The following FARSA variants were observed in gnomAD, a reference collection of about 807,000 sequenced individuals.
FARSA encodes phenylalanine--tRNA ligase alpha subunit.
FARSA carries 37 observed loss-of-function variants against 63.2 expected under a neutral mutation model. The ratio of observed to expected loss-of-function variants is 0.59; its 90% confidence interval spans 0.45 to 0.77. The LOEUF is 0.77. Ranked by LOEUF, FARSA falls within the 30% of genes least tolerant of loss-of-function variation. The pLI is 0.00. For missense variants in FARSA, 618 were observed against 696.6 expected (o/e 0.89, Z 1.27); for synonymous variants, 312 against 285.1 (o/e 1.09, Z -0.95).
intron 3 of FARSA, 37 bp downstream of exon 3, chr19:12,930,392 C>G: frequency 6.2e-7 from 1 of 1,612,574 alleles, no homozygotes; most frequent in Non-Finnish European, 8.5e-7. Context: ...CCCATGTGCC[C>G]GTCCACCTGC....
In FARSA at chr19:12,928,376, T is replaced by C; in HGVS notation, c.807A>G (p.Pro269=). ...AGAAGGTGTCGTGCTGGTCACGGGCTGGGTGCTGCTGGGGCTGGAAGAGGG... is the reference window on the plus strand; with the variant it reads ...AGAAGGTGTCGTGCTGGTCACGGGCCGGGTGCTGCTGGGGCTGGAAGAGGG... ...FDALFQPQQH[P]ARDQHDTFFL... Residue 269 remains proline, a synonymous_variant, in exon 7 of 13, where the codon CCA becomes CCG. Transcript: ENST00000314606. The C allele has an allele frequency of 6.2e-7, 1 of 1,614,056 alleles. No homozygotes were observed. The highest frequency in any genetic ancestry group is 8.5e-7 in the Non-Finnish European group (1 of 1,180,014).
At chr19:12,929,475 G>A (rs1301771401) in intron 4 of FARSA, among the ~76,000 whole-genome samples, 1 of 152,178 alleles carries the variant, frequency 6.6e-6, no homozygotes, top group African/African-American at 2.4e-5. Context: ...CCAAAGTGCT[G>A]GGATTACAGG....
intron 1 of FARSA, among the ~76,000 whole-genome samples, chr19:12,932,384 C>T (rs1971407128): frequency 6.6e-6 from 1 of 151,984 alleles, no homozygotes; most frequent in Admixed American, 6.6e-5. Context: ...TAGATTGAAC[C>T]TCACCTCCTT....
intron 1 of FARSA, chr19:12,933,224 T>G: frequency 6.2e-6 from 2 of 321,382 alleles, no homozygotes; most frequent in South Asian, 3.7e-5. Flanking sequence ...CACAGCTGGG[T>G]CCCCTGTTTT....
chr19:12,926,655 C>T (rs1853281966), intron 7 of FARSA, among the ~76,000 whole-genome samples: 2 of 151,324 alleles, frequency 1.3e-5, no homozygotes, highest in African/African-American at 2.4e-5. Flanking sequence ...AACTCCCAGG[C>T]TCAAGCAATC....
chr19:12,924,997 C>T lies in FARSA; in HGVS notation c.933G>A (p.Lys311=), dbSNP rs941296722. The T allele has an allele frequency of 1.9e-6, 3 of 1,614,052 alleles. No homozygotes were observed. Among genetic ancestry groups the T allele is most frequent in the Non-Finnish European group, 2.5e-6 (3 of 1,180,008 alleles). ...SQGGYGSQGY[K]YNWKLDEARK... ...GGGCCTCGTCCAGCTTCCAGTTATACTTGTACCTTCAGGAGGGAAGGTGGG... is the reference window on the plus strand; with the variant it reads ...GGGCCTCGTCCAGCTTCCAGTTATATTTGTACCTTCAGGAGGGAAGGTGGG... Residue 311 remains lysine (K), a synonymous_variant, in exon 9 of 13, where the codon AAG becomes AAA. Transcript: ENST00000314606. This position sits in a 1 kb window ranked among gnomAD's most constrained non-coding sequence, Gnocchi z 6.4.
At position 12,925,114 on chromosome 19, in the gene FARSA, G is replaced by A; in HGVS notation, c.902C>T (p.Ser301Phe). The change falls in exon 8 of 13, where the codon TCT becomes TTT. Residue 301 changes from serine (S) to phenylalanine (F), a missense_variant. Transcript: ENST00000314606. Reference sequence around the variant, plus strand: ...CCCCTGTGAGCCGTAGCCGCCCTGAGAGTGGGTCCGCTTGACCCGCTGGAC... The same window carrying A: ...CCCCTGTGAGCCGTAGCCGCCCTGAAAGTGGGTCCGCTTGACCCGCTGGAC... ...DYVQRVKRTH[S>F]QGGYGSQGYK... The A allele has an allele frequency of 6.2e-7, 1 of 1,610,798 alleles. No individual in the cohort carries two copies. Among genetic ancestry groups the A allele is most frequent in the Non-Finnish European group, 8.5e-7 (1 of 1,179,086 alleles).
chr19:12,926,021 T>C (rs1022766270), intron 7 of FARSA, among the ~76,000 whole-genome samples: 1 of 150,662 alleles, frequency 6.6e-6, no homozygotes, highest in Non-Finnish European at 1.5e-5. Context: ...CAGGCTGGAG[T>C]GCAGTGGCGC....
In FARSA at chr19:12,928,801, T is replaced by C. The variant is rs892791704; in HGVS notation, c.550A>G (p.Ser184Gly). The C allele has an allele frequency of 7.4e-6, 12 of 1,614,020 alleles. No homozygotes were observed. Among genetic ancestry groups the C allele is most frequent in the African/African-American group, 1.3e-5 (1 of 74,924 alleles). ...AGCTCTGTCTCTTGCTTGGAGATGC[T>C]GGTACTAAAGGCACTGCCTTTGCTC... ...WVSKGSAFST[S>G]ISKQETELSP... The change falls in exon 5 of 13, where the codon AGC becomes GGC. Residue 184 changes from serine (S) to glycine (G), a missense_variant. Ser to Gly is a moderately conservative substitution (Grantham distance 56). Coordinates refer to ENST00000314606, the MANE Select transcript of FARSA (RefSeq NM_004461.3).
chr19:12,925,080 C>T lies in FARSA; in HGVS notation c.926+10G>A. The stretch of plus-strand genomic sequence containing the variant: ...TCCTTCCCTTCCATACCAGGTAAGT[C>T]CTGCCTCACCCCTGTGAGCCGTAGC... On this transcript the variant is annotated intron_variant, in intron 8 of 12. Transcript: ENST00000314606. 6.2e-7 allele frequency: 1 copy of T among 1,613,170 alleles called. No homozygotes were observed. The highest frequency in any genetic ancestry group is 8.5e-7 in the Non-Finnish European group (1 of 1,179,758).
intron 7 of FARSA, among the ~76,000 whole-genome samples, chr19:12,926,859 A>T (rs1322377978): frequency 6.6e-6 from 1 of 152,212 alleles, no homozygotes; most frequent in Admixed American, 6.5e-5. Context: ...CCTTCTTTGT[A>T]AAAAGGGGTA....
chr19:12,930,473 G>C lies in FARSA; in HGVS notation c.340C>G (p.Arg114Gly), dbSNP rs117345957. Residue 114 changes from arginine (R) to glycine (G), a missense_variant, in exon 3 of 13, where the codon CGG becomes GGG. By Grantham distance (125) the Arg-to-Gly change is moderately radical (BLOSUM62 -2). Transcript: ENST00000314606. ...FSKAMSNKWIRVDKSAADGPR... is the reference protein window; with the variant it reads ...FSKAMSNKWIGVDKSAADGPR... ...CCGTCAGCCGCACTCTTGTCCACCC[G>C]AATCCACTTGTTGGACATGGCCTTG... 1.2e-6 allele frequency: 2 copies of C among 1,614,164 alleles called. No homozygotes were observed. Among genetic ancestry groups the C allele is most frequent in the Non-Finnish European group, 1.7e-6 (2 of 1,180,022 alleles).
At chr19:12,923,794 G>A (rs560735325) in intron 12 of FARSA, among the ~76,000 whole-genome samples, 1 of 152,252 alleles carries the variant, frequency 6.6e-6, no homozygotes, top group South Asian at 2.1e-4. Context: ...TTTATTCTTT[G>A]TAGAGGCGGA....
At chr19:12,925,631 C>G (rs571674930) in intron 7 of FARSA, among the ~76,000 whole-genome samples, 48 of 152,170 alleles carry the variant, frequency 3.2e-4, no homozygotes, top group Non-Finnish European at 6.2e-4. Flanking sequence ...GTTGGGATTA[C>G]AGGCATGAGC....
In FARSA at chr19:12,931,716, CAT is replaced by C. The variant is rs776004492; in HGVS notation, c.148-969_148-968del. Reference sequence around the variant, plus strand: ...GCCTGTCTCCATGTTTAAATGTTCACATGTCAGTGCCCAGAATGTCAGAGACG... The same window carrying C: ...GCCTGTCTCCATGTTTAAATGTTCACGTCAGTGCCCAGAATGTCAGAGACG... On this transcript the variant is annotated intron_variant, in intron 1 of 12. Transcript: ENST00000314606. Among the ~76,000 whole-genome samples, 32 of 152,272 alleles carry C rather than the reference CAT, an allele frequency of 2.1e-4. No homozygotes were observed. In the Middle Eastern group the frequency reaches 0.01, roughly 49 times the overall value.
At chr19:12,926,802 T>A (rs1181335291) in intron 7 of FARSA, among the ~76,000 whole-genome samples, 6 of 152,232 alleles carry the variant, frequency 3.9e-5, no homozygotes, top group Non-Finnish European at 8.8e-5. Context: ...CCTCCTCCCT[T>A]GCCCTCCCAA....
At chr19:12,927,254 C>T (rs764527691) in intron 7 of FARSA, among the ~76,000 whole-genome samples, 21 of 152,158 alleles carry the variant, frequency 1.4e-4, no homozygotes, top group Non-Finnish European at 2.1e-4. Context: ...TGGCTAAAGA[C>T]GGAACATAAG....
Position 12,924,100 on chromosome 19 carries a change from G to T in FARSA, c.1388+51C>A, listed in dbSNP as rs752920041. 8.4e-6 allele frequency: 12 copies of T among 1,423,548 alleles called. No homozygotes were observed. The highest frequency in any genetic ancestry group is 1.1e-5 in the Non-Finnish European group (11 of 1,006,086). The allele number at this position is 1,423,548 out of a possible 1,614,324, so 88.2% of individuals were successfully genotyped here. ...GAAACCACGCAGGCCCCTATACCTG[G>T]AGAGTTATTTGAGGCAGCTGGACAC... is the stretch of plus-strand genomic sequence containing the variant. On this transcript the variant is annotated intron_variant, in intron 12 of 12. Transcript: ENST00000314606. This position sits in a 1 kb window ranked among gnomAD's most constrained non-coding sequence, Gnocchi z 6.4.
rs745693122 is a variant in FARSA at position 12,933,552 on chromosome 19, C to T, written c.145G>A (p.Glu49Lys). ...CCGGCATCACGGGCCCGGCTCACCT[C>T]GCCCAGCGCCTGAAGGCTCTTCACG... ...GAVKSLQALGEVIEAELRSTK... is the reference protein window; with the variant it reads ...GAVKSLQALGKVIEAELRSTK... Residue 49 changes from glutamate (E) to lysine (K), a missense_variant and splice_region_variant, in exon 1 of 13, where the codon GAG becomes AAG. Coordinates refer to ENST00000314606, the MANE Select transcript of FARSA (RefSeq NM_004461.3). The T allele has an allele frequency of 3.2e-6, 5 of 1,542,676 alleles. No individual in the cohort carries two copies. Among genetic ancestry groups the T allele is most frequent in the Non-Finnish European group, 4.4e-6 (5 of 1,148,866 alleles).
Sources: gnomAD v4.1 joint callset for allele counts (sites outside exome capture counted in the v4.1 genomes callset) on GRCh38, gnomAD v4.1.1 for gene constraint, Gnocchi (gnomAD v3.1) non-coding constraint, MANE v1.5 for transcripts, NCBI Gene and HGNC (gene_info 2026-07-23, HGNC 2026-07-21) for gene names.